TMEM114: variants seen among roughly 807,000 people sequenced by gnomAD.
TMEM114 encodes transmembrane protein 114.
In TMEM114, 6 loss-of-function variants were observed where a neutral mutation model predicts 6.2. That is an observed-to-expected ratio of 0.97 (90% confidence interval 0.53 to 1.91). The LOEUF is 1.91. Among genes scored for constraint, TMEM114 ranks in the 40% most tolerant of loss-of-function variants. TMEM114 has a pLI of 0.01. For missense variants in TMEM114, 218 were observed against 158.3 expected, an observed-to-expected ratio of 1.38 and a Z score of -2.02; for synonymous variants, 104 against 73.0, an observed-to-expected ratio of 1.42 and a Z score of -2.16.
chr16:8,584,347 C>T (rs1049968893), intron 2 of TMEM114, among the ~76,000 whole-genome samples: 1 of 152,176 alleles, frequency 6.6e-6, no homozygotes, highest in African/African-American at 2.4e-5. Context: ...CTACACTGTG[C>T]TGAATTTGAA....
intron 2 of TMEM114, among the ~76,000 whole-genome samples, chr16:8,550,639 T>C (rs1163470500): frequency 2.0e-5 from 3 of 151,224 alleles, no homozygotes; most frequent in African/African-American, 7.3e-5. Flanking sequence ...GATCGCACCA[T>C]TGCTCTCCAG....
At chr16:8,587,430 C>T (rs1902350874) in intron 2 of TMEM114, among the ~76,000 whole-genome samples, 2 of 152,108 alleles carry the variant, frequency 1.3e-5, no homozygotes, top group Admixed American at 1.3e-4. Context: ...TAAACCCCAC[C>T]CCACAAAAAA....
At chr16:8,560,735 G>A (rs924672819) in intron 2 of TMEM114, among the ~76,000 whole-genome samples, 1 of 152,146 alleles carries the variant, frequency 6.6e-6, no homozygotes, top group Non-Finnish European at 1.5e-5. Flanking sequence ...TTTCCAGGGG[G>A]CCCTCACTAT....
intron 2 of TMEM114, chr16:8,572,426 C>G: frequency 1.6e-6 from 1 of 625,460 alleles, no homozygotes; most frequent in Middle Eastern, 3.3e-4. Context: ...AGGCTGTGTG[C>G]TTTGTTCTTG....
intron 2 of TMEM114, among the ~76,000 whole-genome samples, chr16:8,556,028 C>T (rs569805854): frequency 1.2e-4 from 18 of 152,356 alleles, no homozygotes; most frequent in Admixed American, 2.6e-4. Context: ...CACCACCTGT[C>T]GGCATGCCTC....
At chr16:8,550,347 G>A (rs1253872354) in intron 2 of TMEM114, among the ~76,000 whole-genome samples, 4 of 152,176 alleles carry the variant, frequency 2.6e-5, no homozygotes, top group African/African-American at 9.7e-5. Context: ...AACCATCACA[G>A]TACCCTAGAA....
intron 2 of TMEM114, among the ~76,000 whole-genome samples, chr16:8,583,526 C>T (rs1260008409): frequency 6.6e-6 from 1 of 152,148 alleles, no homozygotes; most frequent in Admixed American, 6.5e-5. Context: ...AGGAGGGTCG[C>T]TTGAGCCCAG....
chr16:8,556,739 G>T (rs1008903591), intron 2 of TMEM114, among the ~76,000 whole-genome samples: 11 of 152,126 alleles, frequency 7.2e-5, no homozygotes, highest in African/African-American at 2.7e-4. Context: ...CTGACCTCAG[G>T]GGATCCACCC....
At chr16:8,573,747 G>A (rs1901816453) in intron 2 of TMEM114, among the ~76,000 whole-genome samples, 1 of 152,142 alleles carries the variant, frequency 6.6e-6, no homozygotes, top group African/African-American at 2.4e-5. Flanking sequence ...TCCTTACACT[G>A]CATTCACCAC....
chr16:8,568,572 T>G (rs943363732), downstream of TMEM114, among the ~76,000 whole-genome samples: 5 of 152,158 alleles, frequency 3.3e-5, no homozygotes, highest in Non-Finnish European at 7.4e-5. Flanking sequence ...GACGTCATGG[T>G]GATGATGATG....
At chr16:8,538,563 A>G (rs2141646292) in intron 2 of TMEM114, among the ~76,000 whole-genome samples, 1 of 151,922 alleles carries the variant, frequency 6.6e-6, no homozygotes, top group Admixed American at 6.6e-5. Context: ...GCTGGAGTGC[A>G]GTGGTGCGAT....
intron 2 of TMEM114, among the ~76,000 whole-genome samples, chr16:8,573,348 G>A (rs2141686647): frequency 6.6e-6 from 1 of 152,250 alleles, no homozygotes; most frequent in East Asian, 1.9e-4. Flanking sequence ...TCTCTAGTAG[G>A]ATCTGGGGCC....
At chr16:8,541,956 T>C (rs1464942108) in intron 2 of TMEM114, among the ~76,000 whole-genome samples, 5 of 152,168 alleles carry the variant, frequency 3.3e-5, no homozygotes, top group Admixed American at 3.3e-4. Flanking sequence ...TGTAGCACAG[T>C]GGCCCCATAT....
chr16:8,530,553 G>C, the TMEM114 span, among the ~76,000 whole-genome samples: 2 of 144,526 alleles, frequency 1.4e-5, no homozygotes, highest in Non-Finnish European at 3.1e-5. Context: ...GAAAGAGAAA[G>C]GAAGACAGCG....
chr16:8,538,294 T>TTA, intron 2 of TMEM114, among the ~76,000 whole-genome samples: 1 of 138,726 alleles, frequency 7.2e-6, no homozygotes, highest in South Asian at 2.3e-4. Flanking sequence ...GTCTCAAAAA[T>TTA]AAAAAAAAAA....
intron 2 of TMEM114, among the ~76,000 whole-genome samples, chr16:8,573,008 C>T (rs990405002): frequency 3.9e-5 from 6 of 152,208 alleles, no homozygotes; most frequent in Non-Finnish European, 5.9e-5. Flanking sequence ...GTGCCGGCCC[C>T]GTTCTCTACA....
intron 2 of TMEM114, among the ~76,000 whole-genome samples, chr16:8,562,622 G>GAGTGAATGAATCAGTCAGTA (rs1901295443): frequency 6.6e-6 from 1 of 151,720 alleles, no homozygotes; most frequent in Non-Finnish European, 1.5e-5. Context: ...ATGAGTGAGT[G>GAGTGAATGAATCAGTCAGTA]AGTGAATGAA....
downstream of TMEM114, among the ~76,000 whole-genome samples, chr16:8,534,962 C>T (rs1310892859): frequency 6.6e-6 from 1 of 152,210 alleles, no homozygotes; most frequent in Non-Finnish European, 1.5e-5. Context: ...CTACTCCTGT[C>T]ATCATCCCCT....
intron 2 of TMEM114, among the ~76,000 whole-genome samples, chr16:8,588,974 G>T (rs1453269437): frequency 6.6e-6 from 1 of 152,034 alleles, no homozygotes; most frequent in Non-Finnish European, 1.5e-5. Context: ...TCAAAACGGT[G>T]CAAAGAAAGC....
Sources: allele counts gnomAD v4.1 joint callset (sites outside exome capture counted in the v4.1 genomes callset), GRCh38; gene constraint gnomAD v4.1.1; transcripts MANE v1.5; gene names NCBI Gene and HGNC (gene_info 2026-07-23, HGNC 2026-07-21).